KAT7: variants seen among roughly 807,000 people sequenced by gnomAD.
KAT7 encodes the protein lysine acetyltransferase 7, also known as histone acetyltransferase KAT7.
Under a neutral mutation model 82.1 loss-of-function variants are expected in KAT7, and 10 were observed. That is an observed-to-expected ratio of 0.12 (90% confidence interval 0.08 to 0.21). The LOEUF (loss-of-function observed/expected upper bound fraction) is 0.21, where lower values mean the gene tolerates loss of function less well. Among genes scored for constraint, KAT7 ranks in the 10% least tolerant of loss-of-function variants. The pLI is 1.00. For missense variants in KAT7, 378 were observed against 760.9 expected (o/e 0.50, Z 5.92); for synonymous variants, 250 against 262.5 (o/e 0.95, Z 0.46).
intron 6 of KAT7, among the ~76,000 whole-genome samples, chr17:49,809,668 T>A (rs1598070730): frequency 1.3e-5 from 2 of 152,212 alleles, no homozygotes; most frequent in African/African-American, 4.8e-5. Flanking sequence ...GTCCTAAACC[T>A]CCTCCTGCCT....
intron 12 of KAT7, among the ~76,000 whole-genome samples, chr17:49,824,897 A>G (rs1481280426): frequency 6.6e-6 from 1 of 152,076 alleles, no homozygotes; most frequent in East Asian, 1.9e-4. Flanking sequence ...TTATTTTGGT[A>G]TCTCTAAAAG....
intron 1 of KAT7, chr17:49,790,093 T>G (rs2073866061): frequency 6.6e-6 from 1 of 152,240 alleles, no homozygotes. Flanking sequence ...CTTGCTCATA[T>G]CAATAGAAAT....
Position 49,831,252 on chromosome 17 carries a change from G to T in KAT7, c.*3750G>T, listed in dbSNP as rs367553749. 2.3e-4 allele frequency: 35 copies of T among 152,236 alleles called. No individual in the cohort carries two copies. Among genetic ancestry groups the T allele is most frequent in the African/African-American group, 8.2e-4 (34 of 41,424 alleles). The allele number at this position is 152,236 out of a possible 1,614,324, so 9.4% of individuals were successfully genotyped here. Reference sequence around the variant, plus strand: ...GATGATGCCACTGCACTCCAGCCTGGGTGACAGAGTGAGACCCTGTCTCAA... The same window carrying T: ...GATGATGCCACTGCACTCCAGCCTGTGTGACAGAGTGAGACCCTGTCTCAA... On this transcript the variant is annotated 3_prime_UTR_variant, in exon 15 of 15. Coordinates refer to ENST00000259021, the MANE Select transcript of KAT7 (RefSeq NM_007067.5).
intron 4 of KAT7, among the ~76,000 whole-genome samples, chr17:49,803,873 T>C (rs904753427): frequency 2.0e-5 from 3 of 151,912 alleles, no homozygotes; most frequent in Non-Finnish European, 4.4e-5. Context: ...CTTTCTTCTT[T>C]ACCCCAAATT....
chr17:49,798,105 G>A (rs1950410060), intron 3 of KAT7, among the ~76,000 whole-genome samples: 1 of 152,216 alleles, frequency 6.6e-6, no homozygotes, highest in Non-Finnish European at 1.5e-5. Context: ...AATAGATGAA[G>A]TACAAATTTA....
intron 5 of KAT7, among the ~76,000 whole-genome samples, chr17:49,808,120 C>CTTTTTTT (rs71146937): frequency 2.7e-5 from 3 of 112,820 alleles, no homozygotes; most frequent in Non-Finnish European, 1.8e-5. Context: ...CCCAGGTTTT[C>CTTTTTTT]TTTTTTTTTT....
intron 13 of KAT7, 62 bp from the exon 14 acceptor site, chr17:49,826,631 T>C (rs1468274772): frequency 1.9e-5 from 20 of 1,063,954 alleles, no homozygotes; most frequent in African/African-American, 3.1e-5. Flanking sequence ...TAGACCTTGG[T>C]TGGGGGCAAA....
chr17:49,823,683 C>G (rs1212604972), intron 12 of KAT7: 1 of 159,148 alleles, frequency 6.3e-6, no homozygotes, highest in African/African-American at 2.4e-5. Context: ...GCATAATATA[C>G]TCTGCCCTCA....
At position 49,832,533 on chromosome 17, in the gene KAT7, T is replaced by C. The variant is rs552383158; in HGVS notation, c.*5031T>C. 1.3e-5 allele frequency: 2 copies of C among 152,328 alleles called. No individual in the cohort carries two copies. The highest frequency in any genetic ancestry group is 4.8e-5 in the African/African-American group (2 of 41,580). The allele number at this position is 152,328 out of a possible 1,614,324, so 9.4% of individuals were successfully genotyped here. A position where few individuals can be genotyped will look rare whatever the true frequency, so the allele number is the denominator to read the frequency against. On this transcript the variant is annotated 3_prime_UTR_variant, in exon 15 of 15. Transcript: ENST00000259021. ...TCTATAGTTGAGGAAATTGTGCCGT[T>C]GAAGTCCATTCTTGGACATGGAGTT... is the stretch of plus-strand genomic sequence containing the variant.
chr17:49,802,966 A>T (rs527720787), intron 4 of KAT7, among the ~76,000 whole-genome samples: 9 of 152,140 alleles, frequency 5.9e-5, no homozygotes, highest in Middle Eastern at 3.4e-3. Flanking sequence ...TTGGAATCAC[A>T]TAGTCCTCCT....
chr17:49,821,274 C>A, intron 9 of KAT7, 63 bp from the exon 10 acceptor site: 1 of 1,262,864 alleles, frequency 7.9e-7, no homozygotes, highest in South Asian at 1.2e-5. Context: ...TTCCTTTTCC[C>A]TTTTGAGGAG....
chr17:49,826,231 C>A, intron 13 of KAT7, 85 bp downstream of exon 13: 2 of 1,370,918 alleles, frequency 1.5e-6, no homozygotes, highest in East Asian at 2.3e-5. Context: ...AATGTGAGAA[C>A]GGAAGGCCCA....
rs1261923959 is a variant in KAT7, at chr17:49,831,130, A to G, written c.*3628A>G. 1 of 152,160 alleles carries G rather than the reference A, an allele frequency of 6.6e-6. No individual in the cohort carries two copies. Among genetic ancestry groups the G allele is most frequent in the African/African-American group, 2.4e-5 (1 of 41,414 alleles). The allele number at this position is 152,160 out of a possible 1,614,324, so 9.4% of individuals were successfully genotyped here. A position where few individuals can be genotyped will look rare whatever the true frequency, so the allele number is the denominator to read the frequency against. On this transcript the variant is annotated 3_prime_UTR_variant, in exon 15 of 15. Coordinates refer to ENST00000259021, the MANE Select transcript of KAT7 (RefSeq NM_007067.5). The stretch of plus-strand genomic sequence containing the variant: ...AACCCCAGCTCTACAAAAAATAGAA[A>G]AATCAGACGTGGGCACATGCCTGTA...
intron 2 of KAT7, among the ~76,000 whole-genome samples, chr17:49,793,612 G>T (rs2073916979): frequency 1.4e-5 from 2 of 138,126 alleles, no homozygotes; most frequent in African/African-American, 2.7e-5. Context: ...GTCTAGCTCT[G>T]TTGCCAGGCG....
intron 1 of KAT7, among the ~76,000 whole-genome samples, chr17:49,790,347 C>A (rs1008268133): frequency 6.6e-6 from 1 of 152,152 alleles, no homozygotes; most frequent in Non-Finnish European, 1.5e-5. Flanking sequence ...CAGGCGGATT[C>A]CATGACGCCC....
chr17:49,798,341 T>A lies in KAT7; in HGVS notation c.363T>A (p.His121Gln). 6.2e-7 allele frequency: 1 copy of A among 1,614,200 alleles called. No homozygotes were observed. The highest frequency in any genetic ancestry group is 8.5e-7 in the Non-Finnish European group (1 of 1,180,002). Residue 121 changes from histidine (H) to glutamine (Q), a missense_variant, in exon 4 of 15, where the codon CAT (histidine) becomes CAA (glutamine). By Grantham distance (24) the His-to-Gln change is conservative. Coordinates refer to ENST00000259021, the MANE Select transcript of KAT7 (RefSeq NM_007067.5). ...TAGAAACTAAAAATACAGCTGATCA[T>A]GATGAGTCACCGCCTCGAACTCCAA... ...SDRETKNTAD[H>Q]DESPPRTPTG... is the part of the protein sequence containing the mutation.
intron 5 of KAT7, among the ~76,000 whole-genome samples, chr17:49,806,884 A>G (rs2074098220): frequency 6.6e-6 from 1 of 152,206 alleles, no homozygotes; most frequent in African/African-American, 2.4e-5. Context: ...TTACTACTGG[A>G]ACATGTGCAT....
intron 1 of KAT7, among the ~76,000 whole-genome samples, chr17:49,791,098 C>T (rs1805649986): frequency 6.6e-6 from 1 of 152,162 alleles, no homozygotes; most frequent in African/African-American, 2.4e-5. Context: ...TGTGGAGAAA[C>T]GTCAAGGATA....
At chr17:49,789,007 G>A in intron 1 of KAT7, 158 bp downstream of exon 1, 1 of 590,150 alleles carries the variant, frequency 1.7e-6, no homozygotes, top group African/African-American at 1.9e-5. Flanking sequence ...ACAGAAAAAT[G>A]TGGGCCCGAC....
Sources: gnomAD v4.1 joint callset for allele counts (sites outside exome capture counted in the v4.1 genomes callset) on GRCh38, gnomAD v4.1.1 for gene constraint, MANE v1.5 for transcripts, NCBI Gene and HGNC (gene_info 2026-07-23, HGNC 2026-07-21) for gene names.